EBF1: variants seen among roughly 807,000 people sequenced by gnomAD.
The protein encoded by EBF1 is EBF transcription factor 1, also known as transcription factor COE1.
A neutral mutation model predicts 68.4 loss-of-function variants in EBF1; 10 were observed. The observed-to-expected ratio is 0.15, with a 90% CI of 0.09 to 0.25. The LOEUF (loss-of-function observed/expected upper bound fraction) is 0.25. Ranked by LOEUF, EBF1 falls within the 10% of genes least tolerant of loss-of-function variation. The pLI, the probability that EBF1 is intolerant of heterozygous loss-of-function variation, is 1.00. For missense variants in EBF1, 509 were observed against 794.4 expected (o/e 0.64, Z 4.32); for synonymous variants, 298 against 299.8 (o/e 0.99, Z 0.06).
At chr5:158,800,046 T>C (rs182918531) in intron 8 of EBF1, among the ~76,000 whole-genome samples, 6 of 152,118 alleles carry the variant, frequency 3.9e-5, no homozygotes, top group African/African-American at 1.2e-4. Context: ...GGTACCCAAA[T>C]GTTCATTGCG....
chr5:159,019,249 T>C (rs1365690354), intron 6 of EBF1: 2 of 152,262 alleles, frequency 1.3e-5, no homozygotes, highest in Non-Finnish European at 2.9e-5. Flanking sequence ...TTACATTTTC[T>C]TCTGTAAAAA....
At chr5:158,747,885 C>T (rs186861959) in intron 10 of EBF1, among the ~76,000 whole-genome samples, 80 of 152,220 alleles carry the variant, frequency 5.3e-4, no homozygotes, top group Admixed American at 2.8e-3. Flanking sequence ...ACCCTTAGGA[C>T]GATAGAGGGG....
chr5:158,999,451 G>A lies in EBF1; in HGVS notation c.554+73945C>T, dbSNP rs945687822. On this transcript the variant is annotated intron_variant, in intron 6 of 15. Transcript: ENST00000313708. Reference sequence around the variant, plus strand: ...ATCTTTTTCTCTCTCTTGGCTAAGCGGGAACATGAGATGTTTTCAGTTAGA... The same window carrying A: ...ATCTTTTTCTCTCTCTTGGCTAAGCAGGAACATGAGATGTTTTCAGTTAGA... Among the ~76,000 whole-genome samples the A allele has an allele frequency of 1.1e-4, 16 of 152,136 alleles. 1 individual carries two copies. The highest frequency in any genetic ancestry group is 3.3e-4 in the Admixed American group (5 of 15,262).
chr5:158,881,506 G>A (rs1798897557), intron 6 of EBF1, among the ~76,000 whole-genome samples: 2 of 152,184 alleles, frequency 1.3e-5, no homozygotes, highest in Non-Finnish European at 1.5e-5. Flanking sequence ...GAGGGCATTT[G>A]GCTGTCTTTT....
Position 158,789,637 on chromosome 5 carries a change from C to G in EBF1, c.909+6708G>C, listed in dbSNP as rs1029808340. On this transcript the variant is annotated intron_variant, in intron 9 of 15. Coordinates refer to ENST00000313708, the MANE Select transcript of EBF1 (RefSeq NM_024007.5). Reference sequence around the variant, plus strand: ...TTAAGTAGATAATATGCTCCCAGGACAAGCCACCCTACCACTGTGAAGTCT... The same window carrying G: ...TTAAGTAGATAATATGCTCCCAGGAGAAGCCACCCTACCACTGTGAAGTCT... 5.9e-5 allele frequency among the ~76,000 whole-genome samples: 9 copies of G among 152,252 alleles called. No homozygotes were observed. In the East Asian group the frequency reaches 1.7e-3, roughly 29 times the overall value.
intron 6 of EBF1, among the ~76,000 whole-genome samples, chr5:158,915,519 T>C (rs1227281635): frequency 2.0e-5 from 3 of 152,140 alleles, no homozygotes; most frequent in Admixed American, 2.0e-4. Flanking sequence ...TTCAGACAGA[T>C]CATGAACAAG....
chr5:158,909,434 T>C lies in EBF1; in HGVS notation c.555-69324A>G, dbSNP rs1805410932. On this transcript the variant is annotated intron_variant, in intron 6 of 15. Transcript: ENST00000313708. The stretch of plus-strand genomic sequence containing the variant: ...ATGTTAACTAGAGGACCAAGAACCC[T>C]GGTCGCATATTAAAGAGGACCAGAT... Among the ~76,000 whole-genome samples, 7 of 152,206 alleles carry C rather than the reference T, an allele frequency of 4.6e-5. No individual in the cohort carries two copies. In the South Asian group the frequency reaches 1.5e-3, roughly 32 times the overall value.
At chr5:159,062,312 G>T (rs1278414491) in intron 6 of EBF1, among the ~76,000 whole-genome samples, 3 of 152,180 alleles carry the variant, frequency 2.0e-5, no homozygotes, top group African/African-American at 4.8e-5. Flanking sequence ...AGACTAGCAG[G>T]CCAGGCGCCT....
chr5:159,034,195 C>A (rs1584126538), intron 6 of EBF1, among the ~76,000 whole-genome samples: 1 of 151,836 alleles, frequency 6.6e-6, no homozygotes, highest in Non-Finnish European at 1.5e-5. Flanking sequence ...ACTTGTTGGC[C>A]CTAAAATGCA....
intron 7 of EBF1, 63 bp from the exon 8 acceptor site, chr5:158,823,380 CAAGTT>C: frequency 6.7e-7 from 1 of 1,487,952 alleles, no homozygotes; most frequent in Non-Finnish European, 9.1e-7. Flanking sequence ...GTAATAAACT[CAAGTT>C]AAATAAATAA....
rs1395241224 is a variant in EBF1 at position 158,851,687 on chromosome 5, A to AGAAGTAAAGG, written c.555-11587_555-11578dup. 1.4e-3 allele frequency among the ~76,000 whole-genome samples: 146 copies of AGAAGTAAAGG among 108,100 alleles called. 1 individual carries two copies. Among genetic ancestry groups the AGAAGTAAAGG allele is most frequent in the African/African-American group, 5.0e-3 (134 of 26,652 alleles). The allele number at this position is 108,100 out of a possible 152,430, so 70.9% of individuals were successfully genotyped here. A position where few individuals can be genotyped will look rare whatever the true frequency, so the allele number is the denominator to read the frequency against. On this transcript the variant is annotated intron_variant, in intron 6 of 15. Transcript: ENST00000313708. The stretch of plus-strand genomic sequence containing the variant: ...GAGGAAGGGAAGGGAAGTAGGGAGG[A>AGAAGTAAAGG]GAAGTAAAGGGAAGGAAAGGGTAGA...
At chr5:158,874,874 T>C (rs369867415) in intron 6 of EBF1, among the ~76,000 whole-genome samples, 3 of 152,212 alleles carry the variant, frequency 2.0e-5, no homozygotes, top group Non-Finnish European at 4.4e-5. Flanking sequence ...GATCCTCTTG[T>C]ATGGTGTTAT....
intron 6 of EBF1, among the ~76,000 whole-genome samples, chr5:159,030,512 G>A (rs1768568657): frequency 6.6e-6 from 1 of 152,192 alleles, no homozygotes; most frequent in Admixed American, 6.5e-5. Context: ...AGAGGAGCTG[G>A]AGAAAGCCTC....
At chr5:158,972,105 G>T (rs1561670614) in intron 6 of EBF1, among the ~76,000 whole-genome samples, 1 of 152,220 alleles carries the variant, frequency 6.6e-6, no homozygotes, top group Non-Finnish European at 1.5e-5. Context: ...AAGCCAAGGT[G>T]TCCGTGCTGA....
At chr5:158,943,964 C>T (rs1023954265) in intron 6 of EBF1, among the ~76,000 whole-genome samples, 6 of 152,136 alleles carry the variant, frequency 3.9e-5, no homozygotes, top group African/African-American at 7.2e-5. Flanking sequence ...CCACTGAGCC[C>T]GGACTGCGCC....
chr5:158,815,246 C>T (rs369767586), intron 8 of EBF1, among the ~76,000 whole-genome samples: 1 of 152,216 alleles, frequency 6.6e-6, no homozygotes. Flanking sequence ...CACTCTGTGC[C>T]TGTCATAGTA....
At chr5:158,725,826 T>A (rs975544791) in intron 11 of EBF1, among the ~76,000 whole-genome samples, 1 of 152,194 alleles carries the variant, frequency 6.6e-6, no homozygotes, top group Admixed American at 6.5e-5. Context: ...TTGTTTTCCA[T>A]AGGGGTTTCA....
At chr5:158,845,747 T>C (rs943296809) in intron 6 of EBF1, among the ~76,000 whole-genome samples, 1 of 141,528 alleles carries the variant, frequency 7.1e-6, no homozygotes, top group African/African-American at 2.6e-5. Flanking sequence ...CAAAGAAAGA[T>C]AATAATGACT....
chr5:159,025,584 C>T (rs957976100), intron 6 of EBF1, among the ~76,000 whole-genome samples: 1 of 152,306 alleles, frequency 6.6e-6, no homozygotes, highest in African/African-American at 2.4e-5. Flanking sequence ...TATTTGACAG[C>T]TTAACACCCT....
Sources: allele counts gnomAD v4.1 joint callset (sites outside exome capture counted in the v4.1 genomes callset), GRCh38; gene constraint gnomAD v4.1.1; transcripts MANE v1.5; gene names NCBI Gene and HGNC (gene_info 2026-07-23, HGNC 2026-07-21).